The following SH3GL2 variants were observed in gnomAD, a reference collection of about 807,000 sequenced individuals.
SH3GL2 encodes endophilin-A1.
A neutral mutation model predicts 46.0 loss-of-function variants in SH3GL2; 24 were observed. The observed-to-expected ratio is 0.52, with a 90% CI of 0.38 to 0.73. The LOEUF (loss-of-function observed/expected upper bound fraction) is 0.73. SH3GL2 is among the 30% of genes least tolerant of loss of function. The pLI is 0.00. For missense variants in SH3GL2, 413 were observed against 424.2 expected (o/e 0.97, Z 0.23); for synonymous variants, 196 against 147.1 (o/e 1.33, Z -2.40).
At chr9:17,697,317 G>A (rs952840670) in intron 1 of SH3GL2, among the ~76,000 whole-genome samples, 1 of 151,606 alleles carries the variant, frequency 6.6e-6, no homozygotes, top group African/African-American at 2.4e-5. Context: ...TCCGCCTCCC[G>A]GGTTCAAGGG....
chr9:17,726,152 A>G (rs1036419260), intron 1 of SH3GL2, among the ~76,000 whole-genome samples: 2 of 152,160 alleles, frequency 1.3e-5, no homozygotes, highest in East Asian at 1.9e-4. Context: ...CCAGTTAAAT[A>G]AATGGTGGTT....
At chr9:17,699,668 T>C (rs1821297065) in intron 1 of SH3GL2, among the ~76,000 whole-genome samples, 1 of 152,220 alleles carries the variant, frequency 6.6e-6, no homozygotes, top group Non-Finnish European at 1.5e-5. Context: ...CTGTGAAATA[T>C]CATGAGCTTG....
chr9:17,787,318 C>G, intron 4 of SH3GL2, 62 bp from the exon 5 acceptor site: 1 of 1,413,504 alleles, frequency 7.1e-7, no homozygotes, highest in Admixed American at 1.8e-5. Context: ...GTGAAGGGCC[C>G]TGTTATTGCG....
chr9:17,679,207 A>C (rs914215907), intron 1 of SH3GL2, among the ~76,000 whole-genome samples: 1 of 152,176 alleles, frequency 6.6e-6, no homozygotes, highest in African/African-American at 2.4e-5. Flanking sequence ...CATTGAATCC[A>C]TAAATTACCT....
At chr9:17,689,535 C>T (rs1821017830) in intron 1 of SH3GL2, among the ~76,000 whole-genome samples, 1 of 151,990 alleles carries the variant, frequency 6.6e-6, no homozygotes. Context: ...GTGTCCTCAC[C>T]ATAGCCTACA....
At chr9:17,774,408 A>G (rs1823580663) in intron 3 of SH3GL2, among the ~76,000 whole-genome samples, 1 of 152,052 alleles carries the variant, frequency 6.6e-6, no homozygotes. Context: ...ATTTAGTATG[A>G]TGTTCATTGT....
chr9:17,781,686 G>A (rs1457402559), intron 3 of SH3GL2, among the ~76,000 whole-genome samples: 1 of 152,084 alleles, frequency 6.6e-6, no homozygotes, highest in African/African-American at 2.4e-5. Flanking sequence ...CAGTATTTGA[G>A]AGTTCTGGTT....
intron 1 of SH3GL2, among the ~76,000 whole-genome samples, chr9:17,640,909 T>G (rs1357942571): frequency 6.6e-6 from 1 of 152,206 alleles, no homozygotes; most frequent in Non-Finnish European, 1.5e-5. Flanking sequence ...AGTTTGACTT[T>G]TAAAATTGAT....
intron 1 of SH3GL2, among the ~76,000 whole-genome samples, chr9:17,635,862 A>T (rs766344094): frequency 2.0e-5 from 3 of 152,154 alleles, no homozygotes; most frequent in Non-Finnish European, 4.4e-5. Context: ...GAAGGTTTGG[A>T]AGGATAAAAG....
chr9:17,666,591 G>T (rs1192767977), intron 1 of SH3GL2, among the ~76,000 whole-genome samples: 1 of 140,382 alleles, frequency 7.1e-6, no homozygotes, highest in Admixed American at 7.2e-5. Flanking sequence ...TATACATTAA[G>T]TTTGCTTTTT....
At chr9:17,747,846 G>T (rs1822739068) in intron 2 of SH3GL2, among the ~76,000 whole-genome samples, 1 of 151,862 alleles carries the variant, frequency 6.6e-6, no homozygotes, top group Non-Finnish European at 1.5e-5. Context: ...GCTAATTATT[G>T]TATTTTTTGT....
chr9:17,596,176 C>G (rs927138531), intron 1 of SH3GL2, among the ~76,000 whole-genome samples: 1 of 149,088 alleles, frequency 6.7e-6, no homozygotes. Flanking sequence ...TAGCTTAAAA[C>G]TATTGGAACA....
intron 2 of SH3GL2, among the ~76,000 whole-genome samples, chr9:17,754,674 A>G (rs1822939387): frequency 1.3e-5 from 2 of 152,154 alleles, no homozygotes; most frequent in South Asian, 4.1e-4. Flanking sequence ...CTCTGTCTCA[A>G]AAAAATAAAA....
chr9:17,615,985 C>A (rs1475686751), intron 1 of SH3GL2, among the ~76,000 whole-genome samples: 1 of 151,926 alleles, frequency 6.6e-6, no homozygotes, highest in Non-Finnish European at 1.5e-5. Context: ...ATGGCAGGAC[C>A]CCAGAGAGAT....
chr9:17,719,959 T>A (rs2118335559), intron 1 of SH3GL2, among the ~76,000 whole-genome samples: 1 of 146,526 alleles, frequency 6.8e-6, no homozygotes, highest in African/African-American at 2.8e-5. Context: ...TTTTTATTTC[T>A]GTTTACTAAT....
At chr9:17,738,544 A>T (rs925491945) in intron 1 of SH3GL2, among the ~76,000 whole-genome samples, 1 of 77,260 alleles carries the variant, frequency 1.3e-5, no homozygotes, top group East Asian at 3.1e-4. Flanking sequence ...ATATATACAT[A>T]AGTGTGTGTG....
chr9:17,729,224 T>C (rs1312575476), intron 1 of SH3GL2, among the ~76,000 whole-genome samples: 3 of 152,220 alleles, frequency 2.0e-5, no homozygotes, highest in African/African-American at 7.2e-5. Flanking sequence ...CCGGTGATGA[T>C]GAGCTTTTTT....
chr9:17,694,752 G>A (rs1821162483), intron 1 of SH3GL2, among the ~76,000 whole-genome samples: 1 of 152,178 alleles, frequency 6.6e-6, no homozygotes, highest in Admixed American at 6.6e-5. Context: ...AATGGGAATG[G>A]TGATTTCCTT....
At chr9:17,662,703 CTTTTTTTTTTTTTT>C (rs559842403) in intron 1 of SH3GL2, among the ~76,000 whole-genome samples, 1 of 96,962 alleles carries the variant, frequency 1.0e-5, no homozygotes, top group Non-Finnish European at 1.9e-5. Flanking sequence ...TTGGCCAAGT[CTTTTTTTTTTTTTT>C]TTTTTTTTTG....
Sources: allele counts gnomAD v4.1 joint callset (sites outside exome capture counted in the v4.1 genomes callset), GRCh38; gene constraint gnomAD v4.1.1; transcripts MANE v1.5; gene names NCBI Gene and HGNC (gene_info 2026-07-23, HGNC 2026-07-21).